The following SLC24A2 variants were observed in gnomAD, a reference collection of about 807,000 sequenced individuals.
The protein encoded by SLC24A2 is sodium/potassium/calcium exchanger 2.
SLC24A2 carries 36 observed loss-of-function variants against 62.0 expected under a neutral mutation model. That is an observed-to-expected ratio of 0.58 (90% CI 0.44 to 0.77). The LOEUF (loss-of-function observed/expected upper bound fraction) is 0.77. Ranked by LOEUF, SLC24A2 falls within the 30% of genes least tolerant of loss-of-function variation. The probability of loss-of-function intolerance (pLI) is 0.00; values close to 1 mark genes in which losing one functional copy is unlikely to be tolerated. For synonymous variants in SLC24A2, 358 were observed against 294.0 expected (o/e 1.22, Z -2.23); for missense variants, 846 against 817.9 (o/e 1.03, Z -0.42).
chr9:19,783,728 G>A (rs1036721559), intron 2 of SLC24A2, among the ~76,000 whole-genome samples: 2 of 152,114 alleles, frequency 1.3e-5, no homozygotes, highest in African/African-American at 4.8e-5. Context: ...TTTCCTAAAG[G>A]AAATCACACA....
chr9:19,889,802 T>C, the SLC24A2 span, among the ~76,000 whole-genome samples: 2 of 152,302 alleles, frequency 1.3e-5, no homozygotes, highest in South Asian at 2.1e-4. Flanking sequence ...CACTTTTAGT[T>C]TTTTCTTTTG....
chr9:19,661,792 G>C (rs1427515206), intron 2 of SLC24A2, among the ~76,000 whole-genome samples: 1 of 152,144 alleles, frequency 6.6e-6, no homozygotes. Context: ...ATTTTCCATC[G>C]TTGCTGCCAA....
chr9:20,003,264 T>C, the SLC24A2 span, among the ~76,000 whole-genome samples: 3 of 152,188 alleles, frequency 2.0e-5, no homozygotes, highest in Non-Finnish European at 4.4e-5. Context: ...ATGATGCTTG[T>C]AAGACTCTAA....
chr9:19,584,798 C>T (rs6475356), intron 5 of SLC24A2, among the ~76,000 whole-genome samples: 139,611 of 152,192 alleles, frequency 0.92, 64,118 homozygotes, highest in East Asian at 1. Context: ...CCAAATCTGT[C>T]TTTGAAGTAC....
chr9:19,782,373 C>G (rs925036540), intron 2 of SLC24A2, among the ~76,000 whole-genome samples: 1 of 152,192 alleles, frequency 6.6e-6, no homozygotes, highest in Non-Finnish European at 1.5e-5. Context: ...AAGCAAAAGT[C>G]TCTGCTTAGA....
the SLC24A2 span, among the ~76,000 whole-genome samples, chr9:19,982,758 T>C: frequency 3.2e-4 from 49 of 152,168 alleles, no homozygotes; most frequent in Non-Finnish European, 6.0e-4. Flanking sequence ...CTTATGATTA[T>C]AGAAGTGAAA....
the SLC24A2 span, among the ~76,000 whole-genome samples, chr9:19,910,476 C>A: frequency 6.6e-6 from 1 of 152,070 alleles, no homozygotes; most frequent in African/African-American, 2.4e-5. Flanking sequence ...ATGCTTATAA[C>A]CCCTCAAAAA....
At chr9:20,027,696 A>G in the SLC24A2 span, among the ~76,000 whole-genome samples, 1 of 152,234 alleles carries the variant, frequency 6.6e-6, no homozygotes, top group South Asian at 2.1e-4. Context: ...GGATATATGA[A>G]TTCAATTAGA....
chr9:20,054,125 GA>G, the SLC24A2 span, among the ~76,000 whole-genome samples: 1 of 151,782 alleles, frequency 6.6e-6, no homozygotes, highest in Admixed American at 6.6e-5. Flanking sequence ...TAGTTGCATG[GA>G]AAAGTTCTTT....
the SLC24A2 span, among the ~76,000 whole-genome samples, chr9:20,132,465 G>GT: frequency 1.3e-5 from 2 of 152,028 alleles, no homozygotes; most frequent in Non-Finnish European, 1.5e-5. Context: ...AGTTTTTGGG[G>GT]TTTTTTGGGG....
the SLC24A2 span, among the ~76,000 whole-genome samples, chr9:19,949,481 C>G: frequency 6.6e-6 from 1 of 152,220 alleles, no homozygotes; most frequent in Non-Finnish European, 1.5e-5. Context: ...GCTTTCAAGT[C>G]TACTGTGTTG....
At chr9:19,700,021 T>C (rs764761863) in intron 2 of SLC24A2, among the ~76,000 whole-genome samples, 16 of 152,160 alleles carry the variant, frequency 1.1e-4, no homozygotes, top group Non-Finnish European at 2.2e-4. Flanking sequence ...GCCTCTGTAA[T>C]TGTATTTGTA....
At chr9:19,650,501 G>A (rs1818768333) in intron 2 of SLC24A2, among the ~76,000 whole-genome samples, 2 of 152,166 alleles carry the variant, frequency 1.3e-5, no homozygotes, top group Admixed American at 1.3e-4. Context: ...AACCAGCCCT[G>A]ATAATCTCCC....
upstream of SLC24A2, among the ~76,000 whole-genome samples, chr9:19,792,923 G>A (rs937569907): frequency 6.6e-6 from 1 of 152,172 alleles, no homozygotes; most frequent in Non-Finnish European, 1.5e-5. Flanking sequence ...CACAAAACCA[G>A]TAGTTCCAAA....
chr9:19,784,153 A>G (rs1823092309), intron 2 of SLC24A2, among the ~76,000 whole-genome samples: 1 of 152,238 alleles, frequency 6.6e-6, no homozygotes, highest in South Asian at 2.1e-4. Context: ...GGTAAAGATC[A>G]TTCCAGGGCT....
the SLC24A2 span, among the ~76,000 whole-genome samples, chr9:20,305,993 C>A: frequency 6.6e-6 from 1 of 152,072 alleles, no homozygotes; most frequent in South Asian, 2.1e-4. Flanking sequence ...TTAAGGATAC[C>A]TGTCATTCTG....
intron 2 of SLC24A2, among the ~76,000 whole-genome samples, chr9:19,730,608 G>C (rs972037453): frequency 2.6e-5 from 4 of 151,980 alleles, no homozygotes; most frequent in Admixed American, 6.6e-5. Context: ...AATTTAAAAA[G>C]CTAGTTGTAG....
chr9:20,022,845 A>AT, the SLC24A2 span, among the ~76,000 whole-genome samples: 1 of 152,206 alleles, frequency 6.6e-6, no homozygotes, highest in South Asian at 2.1e-4. Flanking sequence ...TACAGATCTG[A>AT]TAAAAAAGCA....
chr9:19,957,092 T>C, the SLC24A2 span, among the ~76,000 whole-genome samples: 7 of 152,198 alleles, frequency 4.6e-5, no homozygotes, highest in Non-Finnish European at 5.9e-5. Context: ...TAATAAGCAG[T>C]GATAAACGTT....
Sources: allele counts gnomAD v4.1 joint callset (sites outside exome capture counted in the v4.1 genomes callset), GRCh38; gene constraint gnomAD v4.1.1; transcripts MANE v1.5; gene names NCBI Gene and HGNC (gene_info 2026-07-23, HGNC 2026-07-21).